SMCHD1: variants seen among roughly 807,000 people sequenced by gnomAD.
SMCHD1 encodes structural maintenance of chromosomes flexible hinge domain-containing protein 1.
In SMCHD1, 78 loss-of-function variants were observed where a neutral mutation model predicts 254.7. The ratio of observed to expected loss-of-function variants is 0.31; its 90% confidence interval spans 0.26 to 0.37. The LOEUF is 0.37. Ranked by LOEUF, SMCHD1 falls within the 10% of genes least tolerant of loss-of-function variation. The pLI, the probability that SMCHD1 is intolerant of heterozygous loss-of-function variation, is 1.00. For missense variants in SMCHD1, 1,840 were observed against 2,408.1 expected, an observed-to-expected ratio of 0.76 and a Z score of 4.94; for synonymous variants, 766 against 794.9, an observed-to-expected ratio of 0.96 and a Z score of 0.61.
chr18:2,730,764 A>G (rs559534068), intron 24 of SMCHD1, among the ~76,000 whole-genome samples: 86 of 152,330 alleles, frequency 5.6e-4, no homozygotes, highest in Non-Finnish European at 1.2e-3. Flanking sequence ...TTGAACCTCA[A>G]ATGGATACAA....
chr18:2,745,053 G>C (rs1324207071), intron 29 of SMCHD1, among the ~76,000 whole-genome samples: 2 of 152,166 alleles, frequency 1.3e-5, no homozygotes, highest in Non-Finnish European at 2.9e-5. Flanking sequence ...TGTTGGCCAT[G>C]GTTGGTCTCA....
chr18:2,705,064 C>G (rs2074483615), intron 13 of SMCHD1, among the ~76,000 whole-genome samples: 1 of 150,598 alleles, frequency 6.6e-6, no homozygotes, highest in South Asian at 2.1e-4. Context: ...AGAAGGTAAT[C>G]TGAGCATAGA....
At chr18:2,668,148 G>T (rs1282395862) in intron 3 of SMCHD1, among the ~76,000 whole-genome samples, 1 of 152,138 alleles carries the variant, frequency 6.6e-6, no homozygotes, top group Non-Finnish European at 1.5e-5. Context: ...CCAAAGTGCT[G>T]GGATTACAGG....
chr18:2,663,254 C>T (rs961759015), intron 1 of SMCHD1, among the ~76,000 whole-genome samples: 1 of 151,330 alleles, frequency 6.6e-6, no homozygotes, highest in Non-Finnish European at 1.5e-5. Flanking sequence ...TACACGTGTG[C>T]ACCACCATGC....
chr18:2,688,321 A>G (rs1598316906), intron 5 of SMCHD1, 73 bp from the exon 6 acceptor site: 1 of 1,009,578 alleles, frequency 9.9e-7, no homozygotes, highest in East Asian at 2.4e-5. Context: ...AACACTGAAT[A>G]CAAGTGCAAT....
intron 4 of SMCHD1, 78 bp from the exon 5 acceptor site, chr18:2,673,937 T>C: frequency 7.1e-7 from 1 of 1,412,906 alleles, no homozygotes; most frequent in Non-Finnish European, 9.6e-7. Flanking sequence ...GTTGAATCAT[T>C]TTTTTCATGT....
intron 17 of SMCHD1, among the ~76,000 whole-genome samples, chr18:2,714,862 C>T (rs2074762214): frequency 6.6e-6 from 1 of 152,064 alleles, no homozygotes; most frequent in Non-Finnish European, 1.5e-5. Context: ...CCCCCTACCC[C>T]CAGCACTTTG....
At chr18:2,738,338 G>A (rs2075288119) in intron 25 of SMCHD1, 59 bp from the exon 26 acceptor site, 1 of 1,387,598 alleles carries the variant, frequency 7.2e-7, no homozygotes, top group African/African-American at 1.5e-5. Flanking sequence ...TAAGATAAGT[G>A]GCAGTAAGAG....
intron 3 of SMCHD1, among the ~76,000 whole-genome samples, chr18:2,669,947 T>C (rs567403725): frequency 6.6e-6 from 1 of 152,352 alleles, no homozygotes; most frequent in Non-Finnish European, 1.5e-5. Context: ...CTATTCTCAA[T>C]GTTTTATCTT....
chr18:2,677,270 T>G (rs1363167914), intron 5 of SMCHD1, among the ~76,000 whole-genome samples: 3 of 152,222 alleles, frequency 2.0e-5, no homozygotes, highest in African/African-American at 7.2e-5. Flanking sequence ...TTTATCTGGT[T>G]TTTTAATACA....
At chr18:2,688,112 T>TA (rs2074093194) in intron 5 of SMCHD1, among the ~76,000 whole-genome samples, 1 of 152,234 alleles carries the variant, frequency 6.6e-6, no homozygotes. Context: ...ATAATAAAAA[T>TA]ACTTATTTAG....
intron 5 of SMCHD1, among the ~76,000 whole-genome samples, chr18:2,674,864 G>A (rs558488147): frequency 7.9e-5 from 12 of 152,222 alleles, no homozygotes; most frequent in South Asian, 2.1e-4. Flanking sequence ...AGTCACCCAC[G>A]TTTAAGGATC....
At chr18:2,763,563 G>A in intron 36 of SMCHD1, 74 bp from the exon 37 acceptor site, 2 of 1,207,190 alleles carry the variant, frequency 1.7e-6, no homozygotes, top group Non-Finnish European at 2.2e-6. Context: ...TATTATTTCT[G>A]ATTTGTACAT....
At chr18:2,770,778 G>A (rs556504413) in intron 39 of SMCHD1, among the ~76,000 whole-genome samples, 10 of 151,936 alleles carry the variant, frequency 6.6e-5, no homozygotes, top group Non-Finnish European at 1.2e-4. Flanking sequence ...ATGCCACCAC[G>A]CCTGGCTGAT....
At chr18:2,684,816 A>C (rs1373141101) in intron 5 of SMCHD1, among the ~76,000 whole-genome samples, 1 of 150,940 alleles carries the variant, frequency 6.6e-6, no homozygotes, top group Non-Finnish European at 1.5e-5. Context: ...TAAATCTTTA[A>C]TTTATCACAG....
At chr18:2,784,695 G>A (rs962110364) in intron 45 of SMCHD1, 74 bp downstream of exon 45, 3 of 1,401,296 alleles carry the variant, frequency 2.1e-6, no homozygotes, top group Non-Finnish European at 2.9e-6. Context: ...CTTATGTTTT[G>A]AGAATCTAAC....
intron 27 of SMCHD1, among the ~76,000 whole-genome samples, chr18:2,740,046 C>A (rs10460007): frequency 6.6e-6 from 1 of 151,732 alleles, no homozygotes; most frequent in Admixed American, 6.6e-5. Flanking sequence ...AACCCGTCAT[C>A]TACATTAGGT....
chr18:2,779,164 A>AT (rs1262454116), intron 44 of SMCHD1: 38 of 151,616 alleles, frequency 2.5e-4, no homozygotes, highest in African/African-American at 8.9e-4. Flanking sequence ...GCTGCTATAT[A>AT]TATAACACTC....
rs374039360 is a variant in SMCHD1 at position 2,718,400 on chromosome 18, A to G, written c.2424A>G (p.Pro808=). ...ESNADTYAGR[P]LPSKAIKFSV... ...ATGCAGACACTTATGCAGGAAGACCACTACCATCTAAAGCAATTAAGTTTT... is the reference window on the plus strand; with the variant it reads ...ATGCAGACACTTATGCAGGAAGACCGCTACCATCTAAAGCAATTAAGTTTT... The change falls in exon 19 of 48, where the codon CCA becomes CCG. Residue 808 remains proline (P), a synonymous_variant. Transcript: ENST00000320876. The surrounding 1 kb of genome is among the most constrained non-coding windows in gnomAD (Gnocchi z 4.6). 17 of 1,611,956 alleles carry G rather than the reference A, an allele frequency of 1.1e-5. No individual in the cohort carries two copies. Among genetic ancestry groups the G allele is most frequent in the Non-Finnish European group, 1.4e-5 (16 of 1,178,858 alleles).
Sources: allele counts gnomAD v4.1 joint callset (sites outside exome capture counted in the v4.1 genomes callset), GRCh38; gene constraint gnomAD v4.1.1; non-coding constraint Gnocchi (gnomAD v3.1); transcripts MANE v1.5; gene names NCBI Gene and HGNC (gene_info 2026-07-23, HGNC 2026-07-21).